Variants in XYLB observed in about 807,000 individuals in gnomAD.
XYLB encodes xylulose kinase.
Under a neutral mutation model 78.7 loss-of-function variants are expected in XYLB, and 62 were observed. The observed-to-expected ratio is 0.79, with a 90% CI of 0.64 to 0.97. The LOEUF (loss-of-function observed/expected upper bound fraction) is 0.97. XYLB is among the 50% of genes least tolerant of loss of function. XYLB has a pLI of 0.00. For missense variants in XYLB, 687 were observed against 676.8 expected (o/e 1.02, Z -0.17); for synonymous variants, 245 against 247.4 (o/e 0.99, Z 0.09).
the XYLB span, among the ~76,000 whole-genome samples, chr3:38,443,865 C>T: frequency 6.6e-6 from 1 of 152,170 alleles, no homozygotes; most frequent in Non-Finnish European, 1.5e-5. Flanking sequence ...AATTCATGGG[C>T]TTTTTCCTAA....
chr3:38,429,806 GT>G, the XYLB span, among the ~76,000 whole-genome samples: 1 of 152,148 alleles, frequency 6.6e-6, no homozygotes, highest in Non-Finnish European at 1.5e-5. Flanking sequence ...AACATGTGGT[GT>G]TTGGTTTTCT....
rs1474069657 is a variant in XYLB at position 38,379,353 on chromosome 3, C to T, written c.1291+11C>T. 6.2e-7 allele frequency: 1 copy of T among 1,613,866 alleles called. No homozygotes were observed. Among genetic ancestry groups the T allele is most frequent in the East Asian group, 2.2e-5 (1 of 44,858 alleles). Reference sequence around the variant, plus strand: ...TGGGCTATCGAGTCAGTAAGTGAGCCACTGGCAGCATGTGTCCCGGGGTGG... The same window carrying T: ...TGGGCTATCGAGTCAGTAAGTGAGCTACTGGCAGCATGTGTCCCGGGGTGG... On this transcript the variant is annotated intron_variant, in intron 15 of 18. Transcript: ENST00000207870.
At chr3:38,436,635 G>A in the XYLB span, among the ~76,000 whole-genome samples, 2 of 152,144 alleles carry the variant, frequency 1.3e-5, no homozygotes, top group Non-Finnish European at 2.9e-5. Context: ...CTACAGGGCA[G>A]TATATCTGAT....
intron 18 of XYLB, among the ~76,000 whole-genome samples, chr3:38,411,012 C>G (rs978388496): frequency 2.6e-5 from 4 of 152,090 alleles, no homozygotes. Flanking sequence ...ACCATTTGAC[C>G]CAGCCATCCC....
At chr3:38,442,287 A>G in the XYLB span, among the ~76,000 whole-genome samples, 2 of 152,210 alleles carry the variant, frequency 1.3e-5, no homozygotes, top group South Asian at 4.1e-4. Context: ...TAAGAGACCT[A>G]GAGTAGCCTG....
At chr3:38,396,978 A>G in intron 16 of XYLB, 94 bp from the exon 17 acceptor site, 1 of 1,249,308 alleles carries the variant, frequency 8.0e-7, no homozygotes, top group Non-Finnish European at 1.2e-6. Context: ...GTCAGAAGAC[A>G]TATGAGGGAG....
chr3:38,383,339 C>T (rs948539465), intron 15 of XYLB, among the ~76,000 whole-genome samples: 1 of 152,128 alleles, frequency 6.6e-6, no homozygotes, highest in Non-Finnish European at 1.5e-5. Flanking sequence ...AAGGAACAAT[C>T]GCCCTCTTGA....
At chr3:38,392,303 T>C (rs1182438699) in intron 15 of XYLB, among the ~76,000 whole-genome samples, 1 of 152,184 alleles carries the variant, frequency 6.6e-6, no homozygotes, top group Non-Finnish European at 1.5e-5. Flanking sequence ...ATGATTTTGT[T>C]TTGTTTTGTT....
intron 15 of XYLB, among the ~76,000 whole-genome samples, chr3:38,395,224 A>T (rs1707818790): frequency 6.6e-6 from 1 of 152,220 alleles, no homozygotes; most frequent in African/African-American, 2.4e-5. Context: ...TATGACTTTT[A>T]TCATTTAAGG....
At chr3:38,424,723 A>T (rs547960884), downstream of XYLB, among the ~76,000 whole-genome samples, 5 of 152,222 alleles carry the variant, frequency 3.3e-5, no homozygotes, top group Admixed American at 3.3e-4. Context: ...TACGTGGTTC[A>T]TTCCACACAA....
chr3:38,419,283 A>T (rs1017600328), downstream of XYLB, among the ~76,000 whole-genome samples: 6 of 152,094 alleles, frequency 3.9e-5, no homozygotes, highest in Admixed American at 6.6e-5. Context: ...CGCTGTGTTT[A>T]TATACCACAT....
the XYLB span, chr3:38,451,899 A>C: frequency 6.6e-6 from 1 of 152,184 alleles, no homozygotes; most frequent in Non-Finnish European, 1.5e-5. Context: ...GAAGACACAG[A>C]TATTTGGGCA....
intron 2 of XYLB, among the ~76,000 whole-genome samples, chr3:38,354,482 G>T (rs1705537323): frequency 6.6e-6 from 1 of 151,432 alleles, no homozygotes; most frequent in Admixed American, 6.6e-5. Context: ...AGCTTTTCAG[G>T]TTCCAGAAAG....
chr3:38,357,207 G>A (rs1193244137), intron 2 of XYLB: 5 of 152,152 alleles, frequency 3.3e-5, no homozygotes, highest in Admixed American at 6.5e-5. Flanking sequence ...CTAATACAAT[G>A]TATACGTTTT....
the XYLB span, among the ~76,000 whole-genome samples, chr3:38,435,759 T>A: frequency 1.3e-5 from 2 of 151,974 alleles, no homozygotes; most frequent in Admixed American, 6.6e-5. Flanking sequence ...CTGACCACAA[T>A]GGAATAAAAC....
downstream of XYLB, among the ~76,000 whole-genome samples, chr3:38,419,274 G>A (rs192632408): frequency 2.2e-4 from 33 of 151,950 alleles, no homozygotes; most frequent in South Asian, 6.3e-4. Context: ...ATAATATTCC[G>A]CTGTGTTTAT....
the XYLB span, among the ~76,000 whole-genome samples, chr3:38,447,831 A>C: frequency 4.6e-5 from 7 of 152,232 alleles, no homozygotes; most frequent in Non-Finnish European, 1.0e-4. Context: ...TTAAAAGAGA[A>C]GATATAGAAT....
At chr3:38,451,934 TATG>T in the XYLB span, 3 of 152,216 alleles carry the variant, frequency 2.0e-5, no homozygotes, top group African/African-American at 4.8e-5. Context: ...GAGTCCTTAT[TATG>T]ATACCTGACC....
chr3:38,370,222 C>CAGTGCTTCCCTGGTAG, intron 9 of XYLB, 48 bp downstream of exon 9: 1 of 953,916 alleles, frequency 1.0e-6, no homozygotes, highest in Non-Finnish European at 1.6e-6. Flanking sequence ...CTGGCAGCTA[C>CAGTGCTTCCCTGGTAG]CAGGGAAGCA....
Sources: allele counts gnomAD v4.1 joint callset (sites outside exome capture counted in the v4.1 genomes callset), GRCh38; gene constraint gnomAD v4.1.1; transcripts MANE v1.5; gene names NCBI Gene and HGNC (gene_info 2026-07-23, HGNC 2026-07-21).